MYO5C: variants seen among roughly 807,000 people sequenced by gnomAD.
MYO5C encodes unconventional myosin-Vc.
A neutral mutation model predicts 235.7 loss-of-function variants in MYO5C; 194 were observed. That is an observed-to-expected ratio of 0.82 (90% confidence interval 0.73 to 0.93). The LOEUF (loss-of-function observed/expected upper bound fraction) is 0.93. MYO5C is among the 40% of genes least tolerant of loss of function. The pLI, the probability that MYO5C is intolerant of heterozygous loss-of-function variation, is 0.00. For missense variants in MYO5C, 2,038 were observed against 2,127.2 expected (o/e 0.96, Z 0.82); for synonymous variants, 707 against 754.8 (o/e 0.94, Z 1.04).
chr15:52,273,693 T>C (rs899342437), intron 5 of MYO5C, among the ~76,000 whole-genome samples: 14 of 152,168 alleles, frequency 9.2e-5, no homozygotes, highest in Non-Finnish European at 2.1e-4. Flanking sequence ...GCCTCCAGAA[T>C]TGCGAGAAAT....
intron 35 of MYO5C, among the ~76,000 whole-genome samples, chr15:52,209,053 A>G (rs1474550132): frequency 3.3e-5 from 5 of 152,112 alleles, no homozygotes; most frequent in South Asian, 4.1e-4. Context: ...AGCCAGGGAA[A>G]CCTCAGAGAG....
chr15:52,268,764 G>A (rs927933881), intron 8 of MYO5C, among the ~76,000 whole-genome samples: 1 of 152,208 alleles, frequency 6.6e-6, no homozygotes, highest in African/African-American at 2.4e-5. Flanking sequence ...AACTGGCTGT[G>A]CTGTGACAGT....
rs2036678811 is a variant in MYO5C, at chr15:52,260,873, C to CA, written c.1301dup (p.Leu434PhefsTer7). ...GAAGAGAATCTTACCCATAAATGTC[C>CA]AAAACACCAATAAAAGTGTGCTGCT... On this transcript the variant is annotated frameshift_variant, in exon 10 of 41. Transcript: ENST00000261839. LOFTEE classifies it high-confidence loss of function. 2 of 1,613,976 alleles carry CA rather than the reference C, an allele frequency of 1.2e-6. No homozygotes were observed. The highest frequency in any genetic ancestry group is 1.7e-6 in the Non-Finnish European group (2 of 1,180,024).
At position 52,205,044 on chromosome 15, in the gene MYO5C, G is replaced by A. The variant is rs1566960659; in HGVS notation, c.4641C>T (p.Thr1547=). Residue 1547 remains threonine (T), a synonymous_variant, in exon 38 of 41, where the codon ACC becomes ACT. Coordinates refer to ENST00000261839, the MANE Select transcript of MYO5C (RefSeq NM_018728.4). ...SSSIDDTDGY[T]MTSVLQQLSY... is the part of the protein sequence containing the mutation. ...TCAGCTGTTGCAGGACGGAGGTCATGGTGTAGCCGTCCGTGTCGTCTATGC... is the reference window on the plus strand; with the variant it reads ...TCAGCTGTTGCAGGACGGAGGTCATAGTGTAGCCGTCCGTGTCGTCTATGC... The A allele has an allele frequency of 1.2e-6, 2 of 1,614,206 alleles. No homozygotes were observed. The highest frequency in any genetic ancestry group is 8.5e-7 in the Non-Finnish European group (1 of 1,180,030).
Position 52,216,028 on chromosome 15 carries a change from A to G in MYO5C, c.3955-1338T>C, listed in dbSNP as rs74499874. Among the ~76,000 whole-genome samples, 668 of 152,296 alleles carry G rather than the reference A, an allele frequency of 4.4e-3. 13 individuals are homozygous for G. The East Asian group carries it at 0.053, about 12-fold the overall frequency. ...CCACATGTTCAAGTATTTACTTAGG[A>G]TAGAACCTTACAAGTTGTGTTACTG... On this transcript the variant is annotated intron_variant, in intron 32 of 40. Transcript: ENST00000261839.
chr15:52,206,191 C>T (rs957469222), intron 36 of MYO5C, among the ~76,000 whole-genome samples: 1 of 152,134 alleles, frequency 6.6e-6, no homozygotes. Context: ...TCCCTACAAA[C>T]ATTGTCCCTG....
chr15:52,218,654 T>C lies in MYO5C; in HGVS notation c.3819A>G (p.Lys1273=). The C allele has an allele frequency of 6.2e-7, 1 of 1,614,196 alleles. No homozygotes were observed. Residue 1273 remains lysine (K), a synonymous_variant, in exon 32 of 41, where the codon AAA becomes AAG. Transcript: ENST00000261839. ...ALEAQNEIHT[K]EKEKLIDKIQ... ...TCTTATCAATCAGCTTCTCCTTCTC[T>C]TTGGTATGTATTTCATTTTGGGCTT... is the stretch of plus-strand genomic sequence containing the variant.
intron 11 of MYO5C, among the ~76,000 whole-genome samples, chr15:52,253,698 G>A (rs760129025): frequency 6.6e-6 from 1 of 152,328 alleles, no homozygotes; most frequent in African/African-American, 2.4e-5. Context: ...GACATGGCTT[G>A]GGCCAGCCTG....
At chr15:52,245,749 G>T (rs1489681068) in intron 17 of MYO5C, among the ~76,000 whole-genome samples, 1 of 152,224 alleles carries the variant, frequency 6.6e-6, no homozygotes, top group Admixed American at 6.5e-5. Context: ...ATGCAGTGAT[G>T]GGGTGAGAAG....
intron 15 of MYO5C, 48 bp downstream of exon 15, chr15:52,247,410 G>A (rs2036373947): frequency 1.9e-6 from 3 of 1,599,220 alleles, no homozygotes; most frequent in South Asian, 1.1e-5. Context: ...GCTCCCCAGG[G>A]CCTGGCCCTG....
chr15:52,273,544 T>G (rs1391228649), intron 5 of MYO5C, among the ~76,000 whole-genome samples: 1 of 152,136 alleles, frequency 6.6e-6, no homozygotes, highest in Non-Finnish European at 1.5e-5. Flanking sequence ...TTTTAATGCC[T>G]ACATAATAGG....
At chr15:52,293,507 C>T (rs944859950) in intron 1 of MYO5C, among the ~76,000 whole-genome samples, 1 of 152,248 alleles carries the variant, frequency 6.6e-6, no homozygotes, top group Middle Eastern at 3.4e-3. Context: ...AAATACAGAA[C>T]TTGCCTGATG....
chr15:52,196,747 G>A (rs1002519164), intron 38 of MYO5C, among the ~76,000 whole-genome samples: 2 of 152,292 alleles, frequency 1.3e-5, no homozygotes, highest in Middle Eastern at 3.4e-3. Flanking sequence ...AATCACTTAC[G>A]AAATACAATT....
At chr15:52,222,880 A>G (rs1242147807) in intron 29 of MYO5C, among the ~76,000 whole-genome samples, 1 of 152,072 alleles carries the variant, frequency 6.6e-6, no homozygotes, top group Non-Finnish European at 1.5e-5. Flanking sequence ...GTGAGATTTG[A>G]AGGCCGGGCA....
intron 20 of MYO5C, among the ~76,000 whole-genome samples, chr15:52,241,181 T>C (rs188633127): frequency 4.6e-5 from 7 of 151,896 alleles, no homozygotes; most frequent in South Asian, 2.1e-4. Flanking sequence ...TTCTTTGGAG[T>C]TGGACACCCT....
chr15:52,220,955 G>A (rs2141285692), intron 30 of MYO5C, among the ~76,000 whole-genome samples: 1 of 152,176 alleles, frequency 6.6e-6, no homozygotes, highest in Middle Eastern at 3.4e-3. Context: ...GATTATAGGT[G>A]TAAGCCACTG....
Position 52,277,321 on chromosome 15 carries a change from T to C in MYO5C, c.449+1552A>G, listed in dbSNP as rs1471332086. On this transcript the variant is annotated intron_variant, in intron 4 of 40. Coordinates refer to ENST00000261839, the MANE Select transcript of MYO5C (RefSeq NM_018728.4). ...GGCTGAAGTGAGCACAGCCCTACAG[T>C]GCCAAAGAGCTCATCCCACCCATAC... 6.1e-6 allele frequency: 3 copies of C among 494,510 alleles called. No homozygotes were observed. The African/African-American group carries it at 6.1e-5, about 10-fold the overall frequency. 30.6% of individuals were successfully genotyped at this position (494,510 alleles called of 1,614,324 possible).
intron 24 of MYO5C, among the ~76,000 whole-genome samples, chr15:52,231,849 G>T (rs1306763473): frequency 1.3e-5 from 2 of 152,172 alleles, no homozygotes; most frequent in African/African-American, 2.4e-5. Flanking sequence ...GTCCTTGGAG[G>T]TTAGCAAAGG....
intron 20 of MYO5C, among the ~76,000 whole-genome samples, chr15:52,241,437 T>C (rs2036220164): frequency 6.6e-6 from 1 of 151,876 alleles, no homozygotes; most frequent in African/African-American, 2.4e-5. Flanking sequence ...TTTTTTGTAT[T>C]TTTAGTAGAG....
Sources: gnomAD v4.1 joint callset for allele counts (sites outside exome capture counted in the v4.1 genomes callset) on GRCh38, gnomAD v4.1.1 for gene constraint, MANE v1.5 for transcripts, NCBI Gene and HGNC (gene_info 2026-07-23, HGNC 2026-07-21) for gene names.